Variants in ATP11C observed in about 807,000 individuals in gnomAD.
ATP11C encodes the protein phospholipid-transporting ATPase IG.
Under a neutral mutation model 97.4 loss-of-function variants are expected in ATP11C, and 36 were observed. The observed-to-expected ratio is 0.37, with a 90% CI of 0.28 to 0.49. The LOEUF (loss-of-function observed/expected upper bound fraction) is 0.49. Ranked by LOEUF, ATP11C falls within the 20% of genes least tolerant of loss-of-function variation. The pLI is 0.98. For synonymous variants in ATP11C, 275 were observed against 290.9 expected (o/e 0.95, Z 0.56); for missense variants, 730 against 824.6 (o/e 0.89, Z 1.40).
At chrX:139,863,092 A>T (rs1453074931) in intron 1 of ATP11C, among the ~76,000 whole-genome samples, 1 of 111,840 alleles carries the variant, frequency 8.9e-6, no homozygotes. Context: ...GGTCTGCCAA[A>T]ATTATACCAT....
intron 20 of ATP11C, 140 bp from the exon 21 acceptor site, chrX:139,763,558 C>G (rs2082078793): frequency 2.2e-6 from 1 of 451,287 alleles, no homozygotes; most frequent in South Asian, 3.6e-5. Flanking sequence ...ATACAGTCAT[C>G]CCTCAGTATC....
At chrX:139,859,209 G>A (rs182947063) in intron 1 of ATP11C, among the ~76,000 whole-genome samples, 143 of 111,828 alleles carry the variant, frequency 1.3e-3, no homozygotes, top group Non-Finnish European at 2.1e-3. Flanking sequence ...GGAAGGATAG[G>A]CAGGAGGGAT....
At chrX:139,754,155 T>C (rs1046995260) in intron 23 of ATP11C, among the ~76,000 whole-genome samples, 8 of 111,205 alleles carry the variant, frequency 7.2e-5, no homozygotes, top group African/African-American at 2.3e-4. Flanking sequence ...ATACTACAGA[T>C]ACAACAGAAA....
chrX:139,769,041 A>G (rs1243056695), intron 19 of ATP11C, among the ~76,000 whole-genome samples: 3 of 107,932 alleles, frequency 2.8e-5, no homozygotes, highest in African/African-American at 1.0e-4. Context: ...AGTCCTAACA[A>G]TAAATCTCTC....
At chrX:139,935,959 A>G (rs1039511235), upstream of ATP11C, among the ~76,000 whole-genome samples, 1 of 109,921 alleles carries the variant, frequency 9.1e-6, no homozygotes, top group African/African-American at 3.3e-5. Flanking sequence ...TCGCGCCAGT[A>G]CACTCAAGCC....
intron 1 of ATP11C, among the ~76,000 whole-genome samples, chrX:139,862,400 C>G (rs768137074): frequency 1.8e-5 from 2 of 111,783 alleles, no homozygotes; most frequent in Admixed American, 1.9e-4. Context: ...GAACTGGTGC[C>G]TGGGAGAGGG....
chrX:139,882,585 G>C (rs907680478), intron 1 of ATP11C, among the ~76,000 whole-genome samples: 3 of 111,213 alleles, frequency 2.7e-5, no homozygotes, highest in African/African-American at 9.8e-5. Flanking sequence ...TAGCTTTTCT[G>C]AATCTTCTTT....
chrX:139,754,571 G>A (rs1419339965), intron 23 of ATP11C, among the ~76,000 whole-genome samples: 1 of 111,882 alleles, frequency 8.9e-6, no homozygotes, highest in Non-Finnish European at 1.9e-5. Context: ...CAATATCCTT[G>A]ATGAAGAAGA....
intron 1 of ATP11C, among the ~76,000 whole-genome samples, chrX:139,833,310 A>C (rs1239305893): frequency 8.9e-6 from 1 of 112,078 alleles, no homozygotes; most frequent in African/African-American, 3.2e-5. Flanking sequence ...AACTTTTCTT[A>C]ACATCCCCAA....
intron 1 of ATP11C, among the ~76,000 whole-genome samples, chrX:139,874,242 CA>C (rs1189770035): frequency 1.2e-5 from 1 of 86,523 alleles, no homozygotes; most frequent in Non-Finnish European, 2.2e-5. Flanking sequence ...GTATTTTTAG[CA>C]GAGACAGGGT....
At chrX:139,751,304 G>A (rs1352667527) in intron 23 of ATP11C, among the ~76,000 whole-genome samples, 2 of 112,091 alleles carry the variant, frequency 1.8e-5, no homozygotes, top group Non-Finnish European at 3.8e-5. Flanking sequence ...AAACCCAGAG[G>A]AGGGGACTAC....
chrX:139,800,792 C>G (rs2147783710), intron 7 of ATP11C, among the ~76,000 whole-genome samples: 1 of 111,811 alleles, frequency 8.9e-6, no homozygotes, highest in Admixed American at 9.5e-5. Flanking sequence ...GTAAAAATAC[C>G]TAATCCCTCG....
chrX:139,819,565 C>A (rs1205920341), intron 2 of ATP11C, 138 bp from the exon 3 acceptor site: 3 of 303,645 alleles, frequency 9.9e-6, no homozygotes, highest in Non-Finnish European at 1.8e-5. Context: ...AAATCTCACA[C>A]ATATACATAA....
chrX:139,935,759 G>A (rs775613190), upstream of ATP11C, among the ~76,000 whole-genome samples: 3 of 111,515 alleles, frequency 2.7e-5, no homozygotes, highest in South Asian at 1.1e-3. Context: ...GGAGGCCGAG[G>A]CAGGCAGATT....
intron 1 of ATP11C, among the ~76,000 whole-genome samples, chrX:139,877,091 C>G (rs900774025): frequency 8.9e-6 from 1 of 111,945 alleles, no homozygotes; most frequent in Non-Finnish European, 1.9e-5. Context: ...CAATGACCAT[C>G]AATGATTCCC....
At chrX:139,890,138 A>G (rs1282353429) in intron 1 of ATP11C, among the ~76,000 whole-genome samples, 1 of 111,192 alleles carries the variant, frequency 9.0e-6, no homozygotes, top group Non-Finnish European at 1.9e-5. Context: ...AGTTTTCTAA[A>G]ACCCCTAAAG....
rs1464002668 is a variant in ATP11C at position 139,932,979 on chromosome X, T to A, written c.-937A>T. The A allele has an allele frequency of 3.6e-5, 4 of 112,394 alleles. No homozygotes were observed. The highest frequency in any genetic ancestry group is 7.5e-5 in the Non-Finnish European group (4 of 53,258). 9.3% of individuals were successfully genotyped at this position (112,394 alleles called of 1,213,427 possible). On this transcript the variant is annotated 5_prime_UTR_variant, in exon 1 of 30. Transcript: ENST00000682941. ...ACGCGGCTTTCCCTCCTCTCAGTCTTTCTCTCGTCCTGCCTGCCCACCTAA... is the reference window on the plus strand; with the variant it reads ...ACGCGGCTTTCCCTCCTCTCAGTCTATCTCTCGTCCTGCCTGCCCACCTAA...
chrX:139,764,756 C>A (rs1271247573), intron 20 of ATP11C, among the ~76,000 whole-genome samples: 3 of 111,770 alleles, frequency 2.7e-5, no homozygotes, highest in Non-Finnish European at 5.6e-5. Context: ...ACAAAAAACC[C>A]CACATCCAAT....
At chrX:139,776,096 G>A (rs1413499541) in intron 18 of ATP11C, among the ~76,000 whole-genome samples, 10 of 112,152 alleles carry the variant, frequency 8.9e-5, no homozygotes, top group Non-Finnish European at 1.7e-4. Flanking sequence ...TCACTGAAGG[G>A]GGTAGCACTG....
Sources: allele counts gnomAD v4.1 joint callset (sites outside exome capture counted in the v4.1 genomes callset), GRCh38; gene constraint gnomAD v4.1.1; transcripts MANE v1.5; gene names NCBI Gene and HGNC (gene_info 2026-07-23, HGNC 2026-07-21).